Variants in MTX2 observed in about 807,000 individuals in gnomAD.
The protein encoded by MTX2 is metaxin 2, also known as metaxin-2.
MTX2 carries 35 observed loss-of-function variants against 42.3 expected under a neutral mutation model. The ratio of observed to expected loss-of-function variants is 0.83; its 90% CI spans 0.63 to 1.10. The LOEUF is 1.10. MTX2 is among the 50% of genes least tolerant of loss of function. The probability of loss-of-function intolerance (pLI) is 0.00; values close to 1 mark genes in which losing one functional copy is unlikely to be tolerated. For synonymous variants in MTX2, 119 were observed against 100.9 expected (o/e 1.18, Z -1.08); for missense variants, 307 against 304.1 (o/e 1.01, Z -0.07).
chr2:176,320,795 A>G (rs746968304), intron 3 of MTX2, among the ~76,000 whole-genome samples: 1 of 151,620 alleles, frequency 6.6e-6, no homozygotes, highest in African/African-American at 2.4e-5. Context: ...CCCAGGTTCA[A>G]GCAATCTTCC....
At chr2:176,319,723 A>G (rs920636499) in intron 3 of MTX2, among the ~76,000 whole-genome samples, 11 of 151,942 alleles carry the variant, frequency 7.2e-5, no homozygotes, top group Non-Finnish European at 1.6e-4. Context: ...CTACAGGCAC[A>G]CACCACCACG....
intron 4 of MTX2, among the ~76,000 whole-genome samples, chr2:176,324,738 T>C (rs530710445): frequency 3.6e-4 from 55 of 151,790 alleles, no homozygotes; most frequent in African/African-American, 1.2e-3. Context: ...CTATTTTCTT[T>C]TTATTAGATT....
chr2:176,300,296 G>T (rs556743747), intron 3 of MTX2, among the ~76,000 whole-genome samples: 12 of 151,910 alleles, frequency 7.9e-5, no homozygotes, highest in Non-Finnish European at 1.6e-4. Context: ...ACACAATGTT[G>T]GCCACATTTG....
Position 176,269,513 on chromosome 2 carries a change from C to A in MTX2, c.-117C>A. The stretch of plus-strand genomic sequence containing the variant: ...GCCGCTGCTGTTGGAGTGGGCTTTG[C>A]GAGTCTGAACGTTGGCGGGGCTAGG... On this transcript the variant is annotated 5_prime_UTR_variant, in exon 1 of 10. Transcript: ENST00000249442. The A allele has an allele frequency of 8.6e-7, 1 of 1,169,316 alleles. No individual in the cohort carries two copies. The highest frequency in any genetic ancestry group is 1.2e-6 in the Non-Finnish European group (1 of 860,082). 72.4% of individuals were successfully genotyped at this position (1,169,316 alleles called of 1,614,324 possible).
chr2:176,328,192 T>C (rs1469061295), intron 5 of MTX2, 101 bp from the exon 6 acceptor site: 2 of 616,042 alleles, frequency 3.2e-6, no homozygotes, highest in Non-Finnish European at 5.2e-6. Context: ...GACGTTTAAT[T>C]CATTGTATAG....
At chr2:176,330,164 ATGT>A (rs1428310892) in intron 8 of MTX2, among the ~76,000 whole-genome samples, 1 of 150,904 alleles carries the variant, frequency 6.6e-6, no homozygotes, top group Non-Finnish European at 1.5e-5. Flanking sequence ...TAGTGGGTCA[ATGT>A]TGTTACCTTT....
At chr2:176,295,549 A>G (rs529882888) in intron 1 of MTX2, among the ~76,000 whole-genome samples, 1 of 152,206 alleles carries the variant, frequency 6.6e-6, no homozygotes, top group South Asian at 2.1e-4. Flanking sequence ...GTGTGACAGC[A>G]TACAAAACTA....
chr2:176,332,912 G>C (rs1684895269), intron 9 of MTX2, among the ~76,000 whole-genome samples: 1 of 151,274 alleles, frequency 6.6e-6, no homozygotes, highest in Non-Finnish European at 1.5e-5. Flanking sequence ...CAAAAAATAT[G>C]AGTGCCAGAA....
intron 3 of MTX2, among the ~76,000 whole-genome samples, chr2:176,308,163 G>C (rs535678329): frequency 1.0e-3 from 154 of 152,100 alleles, no homozygotes; most frequent in Middle Eastern, 6.8e-3. Context: ...TAATCATGTG[G>C]TTTTTTTCAT....
intron 1 of MTX2, among the ~76,000 whole-genome samples, chr2:176,274,345 C>T (rs1692895688): frequency 6.6e-6 from 1 of 151,860 alleles, no homozygotes; most frequent in Non-Finnish European, 1.5e-5. Context: ...TTTTTGTAAC[C>T]TGTTTTGTCA....
chr2:176,281,162 G>C (rs1693069653), intron 1 of MTX2, among the ~76,000 whole-genome samples: 1 of 152,162 alleles, frequency 6.6e-6, no homozygotes, highest in African/African-American at 2.4e-5. Context: ...CTGTTGGCAT[G>C]ATGCCTTTTT....
At chr2:176,329,181 T>A (rs984020524) in intron 7 of MTX2, 120 bp from the exon 8 acceptor site, 59 of 1,219,600 alleles carry the variant, frequency 4.8e-5, no homozygotes, top group Admixed American at 1.1e-4. Context: ...AGGATGTGTA[T>A]TTTTTTCAGA....
intron 9 of MTX2, among the ~76,000 whole-genome samples, chr2:176,334,578 A>G (rs537779195): frequency 1.1e-4 from 16 of 151,744 alleles, no homozygotes; most frequent in African/African-American, 3.1e-4. Flanking sequence ...TTTTAAAACT[A>G]TACTGTTGGC....
At chr2:176,273,032 G>A (rs982338138) in intron 1 of MTX2, among the ~76,000 whole-genome samples, 3 of 152,180 alleles carry the variant, frequency 2.0e-5, no homozygotes, top group East Asian at 1.9e-4. Flanking sequence ...TCAAGGTGCC[G>A]GTATCTGATG....
intron 1 of MTX2, among the ~76,000 whole-genome samples, chr2:176,284,552 A>G (rs1292665007): frequency 6.6e-6 from 1 of 152,212 alleles, no homozygotes; most frequent in African/African-American, 2.4e-5. Flanking sequence ...GAATACTTCT[A>G]ATGGAAAAAC....
In MTX2 at chr2:176,328,142, T is replaced by C. The variant is rs1684754732; in HGVS notation, c.286-151T>C. The C allele has an allele frequency of 9.7e-6, 4 of 412,340 alleles. No individual in the cohort carries two copies. In the South Asian group the frequency reaches 2.1e-4, roughly 22 times the overall value. 25.5% of individuals were successfully genotyped at this position (412,340 alleles called of 1,614,324 possible). Reference sequence around the variant, plus strand: ...ATTTTGTAGTGATAGCAGAGTATTATTTATGCTTTTATATAAAATAATTTT... The same window carrying C: ...ATTTTGTAGTGATAGCAGAGTATTACTTATGCTTTTATATAAAATAATTTT... On this transcript the variant is annotated intron_variant, in intron 5 of 9. Transcript: ENST00000249442.
chr2:176,317,037 T>TAAA (rs141704247), intron 3 of MTX2, among the ~76,000 whole-genome samples: 24 of 138,498 alleles, frequency 1.7e-4, no homozygotes, highest in African/African-American at 3.9e-4. Context: ...AGTGTCTTTT[T>TAAA]TAAAAAAAAA....
intron 3 of MTX2, among the ~76,000 whole-genome samples, chr2:176,311,768 A>G (rs779267962): frequency 6.6e-6 from 1 of 152,184 alleles, no homozygotes; most frequent in Non-Finnish European, 1.5e-5. Context: ...AGAGCACAGT[A>G]TTTGGGTGGA....
At chr2:176,306,468 C>T (rs1044858773) in intron 3 of MTX2, among the ~76,000 whole-genome samples, 2 of 152,236 alleles carry the variant, frequency 1.3e-5, no homozygotes, top group African/African-American at 4.8e-5. Flanking sequence ...AGTTCTAGAT[C>T]CTTGAGGAAT....
Sources: allele counts gnomAD v4.1 joint callset (sites outside exome capture counted in the v4.1 genomes callset), GRCh38; gene constraint gnomAD v4.1.1; transcripts MANE v1.5; gene names NCBI Gene and HGNC (gene_info 2026-07-23, HGNC 2026-07-21).